The following COL18A1 variants were observed in gnomAD, a reference collection of about 807,000 sequenced individuals.
COL18A1 encodes collagen type XVIII alpha 1 chain, also known as collagen alpha-1(XVIII) chain.
Under a neutral mutation model 168.0 loss-of-function variants are expected in COL18A1, and 133 were observed. That is an observed-to-expected ratio of 0.79 (90% CI 0.69 to 0.91). COL18A1 has a LOEUF of 0.91. COL18A1 is among the 40% of genes least tolerant of loss of function. The pLI is 0.00. For missense variants in COL18A1, 2,126 were observed against 1,925.4 expected, an observed-to-expected ratio of 1.10 and a Z score of -1.95; for synonymous variants, 949 against 809.0, an observed-to-expected ratio of 1.17 and a Z score of -2.94.
At position 45,504,509 on chromosome 21, in the gene COL18A1, C is replaced by T. The variant is rs950735501; in HGVS notation, c.2821C>T (p.Pro941Ser). Residue 941 changes from proline (P) to serine (S), a missense_variant, in exon 34 of 42, where the codon CCC becomes TCC. Pro to Ser is a moderately conservative substitution (Grantham distance 74). Transcript: ENST00000651438. Reference protein sequence around the residue: ...GFFGSSLPGPPGPPGPPGPRG... With the variant: ...GFFGSSLPGPSGPPGPPGPRG... The stretch of plus-strand genomic sequence containing the variant: ...CTTCGGCTCCAGCCTGCCCGGCCCC[C>T]CCGGCCCCCCAGGCCCCCCAGGCCC... The T allele has an allele frequency of 6.4e-6, 9 of 1,410,592 alleles. No individual in the cohort carries two copies. In the East Asian group the frequency reaches 7.7e-5, roughly 12 times the overall value. The allele number at this position is 1,410,592 out of a possible 1,614,324, so 87.4% of individuals were successfully genotyped here.
chr21:45,415,462 GACCGGC>G (rs1206653244), intron 2 of COL18A1, among the ~76,000 whole-genome samples: 1 of 152,218 alleles, frequency 6.6e-6, no homozygotes, highest in African/African-American at 2.4e-5. Flanking sequence ...CAGAGCTCAG[GACCGGC>G]TGCCACGGGT....
In COL18A1 at chr21:45,463,841, G is replaced by A. The variant is rs2035117384; in HGVS notation, c.107-4401G>A. Among the ~76,000 whole-genome samples the A allele has an allele frequency of 6.6e-6, 1 of 151,904 alleles. No individual in the cohort carries two copies. The highest frequency in any genetic ancestry group is 2.1e-4 in the South Asian group (1 of 4,828). On this transcript the variant is annotated intron_variant, in intron 2 of 41. Transcript: ENST00000651438. This position sits in a 1 kb window ranked among gnomAD's most constrained non-coding sequence, Gnocchi z 4.0. The stretch of plus-strand genomic sequence containing the variant: ...GAACCTGGGAGGTGGAGGTTGTGGT[G>A]AGCTGAGATTGCACCACTGTACTCC...
At chr21:45,508,212 G>C (rs994544681) in intron 38 of COL18A1, among the ~76,000 whole-genome samples, 3 of 150,428 alleles carry the variant, frequency 2.0e-5, no homozygotes, top group Non-Finnish European at 4.4e-5. Context: ...GTGAGTGTAT[G>C]AATGGGTGGG....
At chr21:45,475,657 C>T in intron 5 of COL18A1, 122 bp downstream of exon 5, 1 of 870,120 alleles carries the variant, frequency 1.1e-6, no homozygotes, top group Non-Finnish European at 1.8e-6. Flanking sequence ...GCCACGAAGA[C>T]ATATTCCTGG....
intron 5 of COL18A1, 34 bp from the exon 6 acceptor site, chr21:45,476,317 C>T (rs372993630): frequency 1.4e-5 from 23 of 1,613,218 alleles, no homozygotes; most frequent in Middle Eastern, 1.7e-4. Flanking sequence ...ATCTGCCGGC[C>T]GAATAACAGG....
Position 45,496,505 on chromosome 21 carries a change from GCCCGGCCCCCCAGGACCT to G in COL18A1, c.2517_2534del (p.Pro847_Gly852del). ...GCTCTCTGCCCTCCCCACAGGGAAT[GCCCGGCCCCCCAGGACCT>G]CCAGGGCCCCCAGGCCCTCCAGGGA... is the stretch of plus-strand genomic sequence containing the variant. On this transcript the variant is annotated inframe_deletion, in exon 30 of 42. Transcript: ENST00000651438. 7.0e-7 allele frequency: 1 copy of G among 1,431,816 alleles called. No homozygotes were observed. Among genetic ancestry groups the G allele is most frequent in the Non-Finnish European group, 9.9e-7 (1 of 1,014,362 alleles). 88.7% of individuals were successfully genotyped at this position (1,431,816 alleles called of 1,614,324 possible). A position where few individuals can be genotyped will look rare whatever the true frequency, so the allele number is the denominator to read the frequency against.
chr21:45,437,730 A>G (rs1602382402), intron 2 of COL18A1, among the ~76,000 whole-genome samples: 1 of 59,106 alleles, frequency 1.7e-5, no homozygotes, highest in Non-Finnish European at 3.0e-5. Context: ...ACTCTCCTGC[A>G]CACACACACT....
At chr21:45,509,308 C>T in intron 38 of COL18A1, 48 bp from the exon 39 acceptor site, 1 of 1,535,270 alleles carries the variant, frequency 6.5e-7, no homozygotes, top group African/African-American at 1.4e-5. Flanking sequence ...GGAGGAGGGG[C>T]ACCCGGAGGG....
chr21:45,406,209 A>C (rs981620123), intron 2 of COL18A1, among the ~76,000 whole-genome samples: 1 of 151,940 alleles, frequency 6.6e-6, no homozygotes, highest in Non-Finnish European at 1.5e-5. Context: ...GGCCCGGGGG[A>C]GGCGGCGGGG....
chr21:45,440,994 G>A (rs952049808), intron 2 of COL18A1, among the ~76,000 whole-genome samples: 1 of 152,184 alleles, frequency 6.6e-6, no homozygotes, highest in East Asian at 1.9e-4. Flanking sequence ...CAGTTCTCTC[G>A]CTGTGCCGAG....
intron 4 of COL18A1, among the ~76,000 whole-genome samples, chr21:45,474,548 GTGTCTC>G (rs1304176156): frequency 6.6e-6 from 1 of 151,864 alleles, no homozygotes; most frequent in East Asian, 1.9e-4. Flanking sequence ...CATGGTGCGT[GTGTCTC>G]TGTGTCTGTG....
chr21:45,472,613 G>A lies in COL18A1; in HGVS notation c.652-1282G>A, dbSNP rs117316448. Among the ~76,000 whole-genome samples the A allele has an allele frequency of 5.0e-3, 767 of 152,274 alleles. 2 individuals are homozygous for A. Among genetic ancestry groups the A allele is most frequent in the Non-Finnish European group, 8.7e-3 (589 of 68,024 alleles). On this transcript the variant is annotated intron_variant, in intron 3 of 41. Coordinates refer to ENST00000651438, the MANE Select transcript of COL18A1 (RefSeq NM_001379500.1). Reference sequence around the variant, plus strand: ...TGCTGGGCTGCTGCCCCACCCCCACGCAGTAGGTCCTGGTGGACAGTGGAC... The same window carrying A: ...TGCTGGGCTGCTGCCCCACCCCCACACAGTAGGTCCTGGTGGACAGTGGAC...
At position 45,468,690 on chromosome 21, in the gene COL18A1, A is replaced by T; in HGVS notation, c.555A>T (p.Arg185Ser). Residue 185 changes from arginine (R) to serine (S), a missense_variant, in exon 3 of 42, where the codon AGA (arginine) becomes AGT (serine). Transcript: ENST00000651438. ...ACGTGGACTGTGAGGAGTTCCAGAG[A>T]ATGCCGCTTGCTCGGTCCTCACGGG... ...ALYVDCEEFQ[R>S]MPLARSSRGL... is the part of the protein sequence containing the mutation. 2 of 1,613,678 alleles carry T rather than the reference A, an allele frequency of 1.2e-6. No individual in the cohort carries two copies. The highest frequency in any genetic ancestry group is 1.7e-4 in the Middle Eastern group (1 of 6,048).
intron 2 of COL18A1, among the ~76,000 whole-genome samples, chr21:45,436,194 CAG>C (rs2034090733): frequency 2.0e-5 from 3 of 152,330 alleles, no homozygotes; most frequent in African/African-American, 7.2e-5. Flanking sequence ...ACGTGGGTGA[CAG>C]TGATTCTAGC....
At chr21:45,418,870 G>A (rs949683723) in intron 2 of COL18A1, among the ~76,000 whole-genome samples, 3 of 152,202 alleles carry the variant, frequency 2.0e-5, no homozygotes, top group Non-Finnish European at 4.4e-5. Flanking sequence ...CCTCTAGAGG[G>A]GCTTGTGTCA....
intron 11 of COL18A1, 75 bp from the exon 12 acceptor site, chr21:45,480,392 C>A: frequency 6.2e-7 from 1 of 1,611,774 alleles, no homozygotes; most frequent in East Asian, 2.2e-5. Flanking sequence ...ATGCAGCTTG[C>A]GGGGCAGGGG....
intron 21 of COL18A1, 48 bp from the exon 22 acceptor site, chr21:45,491,177 G>T: frequency 6.6e-7 from 1 of 1,507,092 alleles, no homozygotes; most frequent in South Asian, 1.1e-5. Context: ...TGGGGTCCTG[G>T]CCAGAGCGGT....
At chr21:45,436,168 C>T (rs1277109762) in intron 2 of COL18A1, among the ~76,000 whole-genome samples, 1 of 152,208 alleles carries the variant, frequency 6.6e-6, no homozygotes, top group Admixed American at 6.5e-5. Context: ...GGCTGCCATC[C>T]CTCTGGTGAA....
chr21:45,418,643 C>T (rs551277891), intron 2 of COL18A1, among the ~76,000 whole-genome samples: 3 of 152,332 alleles, frequency 2.0e-5, no homozygotes, highest in Admixed American at 6.5e-5. Flanking sequence ...GTCCACAGCC[C>T]GCCCTCCTTG....
Sources: allele counts gnomAD v4.1 joint callset (sites outside exome capture counted in the v4.1 genomes callset), GRCh38; gene constraint gnomAD v4.1.1; non-coding constraint Gnocchi (gnomAD v3.1); transcripts MANE v1.5; gene names NCBI Gene and HGNC (gene_info 2026-07-23, HGNC 2026-07-21).